Variants in UBE3A observed in about 807,000 individuals in gnomAD.
UBE3A encodes the protein ubiquitin protein ligase E3A, also known as ubiquitin-protein ligase E3A.
In UBE3A, 6 loss-of-function variants were observed where a neutral mutation model predicts 83.4. The observed-to-expected ratio is 0.07, with a 90% CI of 0.04 to 0.14. The LOEUF (loss-of-function observed/expected upper bound fraction) is 0.14. Ranked by LOEUF, UBE3A falls within the 10% of genes least tolerant of loss-of-function variation. UBE3A has a pLI of 1.00. For synonymous variants in UBE3A, 337 were observed against 355.4 expected (o/e 0.95, Z 0.58); for missense variants, 456 against 1,036.1 (o/e 0.44, Z 7.69).
At chr15:25,375,830 T>C in intron 4 of UBE3A, 67 bp from the exon 5 acceptor site, 26 of 1,225,280 alleles carry the variant, frequency 2.1e-5, no homozygotes, top group Non-Finnish European at 2.8e-5. Context: ...GCTCAACATA[T>C]CATCAAGGCA....
At chr15:25,365,925 T>C (rs1426214330) in intron 6 of UBE3A, among the ~76,000 whole-genome samples, 1 of 152,156 alleles carries the variant, frequency 6.6e-6, no homozygotes, top group Admixed American at 6.5e-5. Context: ...AATGTTTGGG[T>C]AACACCAAAT....
chr15:25,389,716 C>T (rs931046153), intron 4 of UBE3A, among the ~76,000 whole-genome samples: 1 of 152,022 alleles, frequency 6.6e-6, no homozygotes, highest in Non-Finnish European at 1.5e-5. Flanking sequence ...AGTGAAACCC[C>T]GTGTCTACTA....
rs2526030 is a variant in UBE3A, at chr15:25,334,669, C to A, written c.*4468G>T. ...TCTAAACTTACTACCAAGCTACAGC[C>A]ATCAAGACAGTGCGGTGCTGGTATA... On this transcript the variant is annotated 3_prime_UTR_variant, in exon 13 of 13. Transcript: ENST00000648336. 0.98 allele frequency: 149,166 copies of A among 151,936 alleles called. 73,229 individuals are homozygous for A. Among genetic ancestry groups the A allele is most frequent in the East Asian group, 1 (5,146 of 5,146 alleles). The allele number at this position is 151,936 out of a possible 1,614,324, so 9.4% of individuals were successfully genotyped here. A position where few individuals can be genotyped will look rare whatever the true frequency, so the allele number is the denominator to read the frequency against.
chr15:25,352,729 CTATT>C (rs2152663293), intron 11 of UBE3A, among the ~76,000 whole-genome samples: 1 of 152,218 alleles, frequency 6.6e-6, no homozygotes, highest in East Asian at 1.9e-4. Context: ...TACTTGTAGA[CTATT>C]TAATGAATTA....
At position 25,339,095 on chromosome 15, in the gene UBE3A, T is replaced by C. The variant is rs565698591; in HGVS notation, c.*42A>G. On this transcript the variant is annotated 3_prime_UTR_variant, in exon 13 of 13. Transcript: ENST00000648336. The stretch of plus-strand genomic sequence containing the variant: ...TAAAATTTTTTAAATTTTTTCTTTT[T>C]TTTTCCTTCCTTTTTTTTGTTTTAT... 2 of 1,487,632 alleles carry C rather than the reference T, an allele frequency of 1.3e-6. No homozygotes were observed. Among genetic ancestry groups the C allele is most frequent in the East Asian group, 2.5e-5 (1 of 40,216 alleles). 92.2% of individuals were successfully genotyped at this position (1,487,632 alleles called of 1,614,324 possible).
intron 3 of UBE3A, chr15:25,407,360 T>C (rs1054397928): frequency 1.3e-5 from 10 of 779,214 alleles, no homozygotes; most frequent in Admixed American, 5.9e-5. Context: ...AATGAGGACA[T>C]GATGATAGGA....
intron 4 of UBE3A, among the ~76,000 whole-genome samples, chr15:25,396,278 A>G (rs1037898146): frequency 4.6e-5 from 7 of 152,084 alleles, no homozygotes; most frequent in African/African-American, 1.4e-4. Flanking sequence ...AATACATACA[A>G]AGAGATTCTA....
At chr15:25,422,219 TC>T (rs1266058189) in intron 1 of UBE3A, among the ~76,000 whole-genome samples, 2 of 152,088 alleles carry the variant, frequency 1.3e-5, no homozygotes, top group Non-Finnish European at 2.9e-5. Context: ...GATATGCAAT[TC>T]TAGAGTAGGA....
intron 11 of UBE3A, among the ~76,000 whole-genome samples, chr15:25,349,167 G>A (rs2076143162): frequency 6.6e-6 from 1 of 151,856 alleles, no homozygotes; most frequent in Non-Finnish European, 1.5e-5. Flanking sequence ...AATTCAATGG[G>A]GAAAGAAAAG....
intron 1 of UBE3A, among the ~76,000 whole-genome samples, chr15:25,437,330 A>G (rs970026233): frequency 4.6e-5 from 7 of 152,226 alleles, no homozygotes; most frequent in African/African-American, 1.7e-4. Flanking sequence ...CTTATTGATC[A>G]GAAGTGTGAG....
At chr15:25,354,139 T>C in intron 11 of UBE3A, 2 of 600,628 alleles carry the variant, frequency 3.3e-6, no homozygotes, top group Non-Finnish European at 2.9e-6. Flanking sequence ...GGAGATTACA[T>C]GAGACTTATA....
chr15:25,437,225 G>A (rs1398034014), intron 1 of UBE3A, among the ~76,000 whole-genome samples: 8 of 152,072 alleles, frequency 5.3e-5, no homozygotes, highest in African/African-American at 1.9e-4. Context: ...TAATTTCAAA[G>A]CTATTTCCAC....
intron 6 of UBE3A, among the ~76,000 whole-genome samples, chr15:25,366,043 G>A (rs1482621394): frequency 6.6e-6 from 1 of 152,084 alleles, no homozygotes; most frequent in Non-Finnish European, 1.5e-5. Context: ...TTCCTCACAT[G>A]TAATACTAAG....
chr15:25,424,781 A>T (rs80348202), intron 1 of UBE3A, among the ~76,000 whole-genome samples: 8 of 152,358 alleles, frequency 5.3e-5, no homozygotes, highest in African/African-American at 1.9e-4. Context: ...CCATCAAAAC[A>T]TAAAATTCTT....
chr15:25,420,949 T>G (rs1889519974), intron 1 of UBE3A, among the ~76,000 whole-genome samples: 1 of 152,234 alleles, frequency 6.6e-6, no homozygotes, highest in South Asian at 2.1e-4. Context: ...AAGTGATATA[T>G]GCACACAATG....
intron 1 of UBE3A, among the ~76,000 whole-genome samples, chr15:25,435,631 G>C (rs1193164715): frequency 6.6e-6 from 1 of 152,192 alleles, no homozygotes; most frequent in Non-Finnish European, 1.5e-5. Context: ...AACAAGGGAA[G>C]AGGGCCCTCA....
At position 25,407,086 on chromosome 15, in the gene UBE3A, TG is replaced by T. The variant is rs1476951621; in HGVS notation, c.21-1585del. On this transcript the variant is annotated intron_variant, in intron 3 of 12. Coordinates refer to ENST00000648336, the MANE Select transcript of UBE3A (RefSeq NM_130839.5). Reference sequence around the variant, plus strand: ...ACACACCTGGTCTCCACCAGCCTTGTGGGTAAGTACCCCAAGATTGCTTCCA... The same window carrying T: ...ACACACCTGGTCTCCACCAGCCTTGTGGTAAGTACCCCAAGATTGCTTCCA... 5.9e-6 allele frequency: 8 copies of T among 1,350,634 alleles called. 1 individual carries two copies. The highest frequency in any genetic ancestry group is 4.4e-5 in the African/African-American group (3 of 67,582). The allele number at this position is 1,350,634 out of a possible 1,614,324, so 83.7% of individuals were successfully genotyped here.
rs771697024 is a variant in UBE3A, at chr15:25,354,347, C to T, written c.2354+6G>A. The T allele has an allele frequency of 6.2e-7, 1 of 1,612,528 alleles. No individual in the cohort carries two copies. ...AAATCTTCCTCTGAAGAACTAAGTA[C>T]CTCACCTAATCAGAACAGAGTCCCT... On this transcript the variant is annotated splice_donor_region_variant and intron_variant, in intron 11 of 12. Coordinates refer to ENST00000648336, the MANE Select transcript of UBE3A (RefSeq NM_130839.5).
chr15:25,369,444 G>A (rs920959659), intron 6 of UBE3A, among the ~76,000 whole-genome samples: 2 of 148,006 alleles, frequency 1.4e-5, no homozygotes, highest in African/African-American at 2.5e-5. Context: ...TTTTTCCACC[G>A]GGCTACAGCT....
Sources: gnomAD v4.1 joint callset for allele counts (sites outside exome capture counted in the v4.1 genomes callset) on GRCh38, gnomAD v4.1.1 for gene constraint, MANE v1.5 for transcripts, NCBI Gene and HGNC (gene_info 2026-07-23, HGNC 2026-07-21) for gene names.